Variants in ROBO2 observed in about 807,000 individuals in gnomAD.
ROBO2 encodes the protein roundabout guidance receptor 2.
ROBO2 carries 53 observed loss-of-function variants against 160.8 expected under a neutral mutation model. The observed-to-expected ratio is 0.33, with a 90% CI of 0.26 to 0.41. The LOEUF (loss-of-function observed/expected upper bound fraction) is 0.41. ROBO2 is among the 10% of genes least tolerant of loss of function. ROBO2 has a pLI of 1.00. For missense variants in ROBO2, 1,577 were observed against 1,722.4 expected (o/e 0.92, Z 1.49); for synonymous variants, 664 against 611.7 (o/e 1.09, Z -1.26).
chr3:76,185,323 C>T (rs1424678983), intron 2 of ROBO2, among the ~76,000 whole-genome samples: 1 of 150,198 alleles, frequency 6.7e-6, no homozygotes. Flanking sequence ...AATCTATTAT[C>T]ATTGCTTTAA....
chr3:75,995,486 A>G (rs2065699746), intron 2 of ROBO2, among the ~76,000 whole-genome samples: 1 of 152,202 alleles, frequency 6.6e-6, no homozygotes, highest in Non-Finnish European at 1.5e-5. Context: ...CAGAAAATGT[A>G]TGGGAACACC....
chr3:75,983,738 G>A (rs1453049083), intron 2 of ROBO2, among the ~76,000 whole-genome samples: 1 of 150,872 alleles, frequency 6.6e-6, no homozygotes, highest in African/African-American at 2.4e-5. Flanking sequence ...GTCATCACAG[G>A]GTAGATATTT....
intron 2 of ROBO2, among the ~76,000 whole-genome samples, chr3:76,822,349 TA>T (rs527897897): frequency 2.5e-4 from 38 of 152,090 alleles, no homozygotes; most frequent in African/African-American, 8.2e-4. Flanking sequence ...CAATAAAAGT[TA>T]ACCAAATTAT....
intron 2 of ROBO2, among the ~76,000 whole-genome samples, chr3:77,147,449 G>A (rs1490554101): frequency 6.6e-6 from 1 of 152,112 alleles, no homozygotes; most frequent in Non-Finnish European, 1.5e-5. Context: ...TGTCATATAA[G>A]ATTAACCATG....
At chr3:77,385,754 G>A (rs1040884999) in intron 2 of ROBO2, among the ~76,000 whole-genome samples, 30 of 152,174 alleles carry the variant, frequency 2.0e-4, no homozygotes, top group African/African-American at 7.0e-4. Flanking sequence ...AGTTCCTGCC[G>A]CACAGTAAGA....
At chr3:77,210,785 G>GT (rs1323224815) in intron 2 of ROBO2, among the ~76,000 whole-genome samples, 8 of 136,728 alleles carry the variant, frequency 5.9e-5, no homozygotes, top group African/African-American at 2.0e-4. Context: ...TCCCCTTCCT[G>GT]TGTCCATGAG....
intron 2 of ROBO2, among the ~76,000 whole-genome samples, chr3:76,272,269 T>C (rs905523584): frequency 6.6e-6 from 1 of 152,110 alleles, no homozygotes; most frequent in Non-Finnish European, 1.5e-5. Context: ...GCCATCTCTT[T>C]ACGAAATTCA....
At chr3:77,571,845 T>A (rs982518231) in intron 13 of ROBO2, among the ~76,000 whole-genome samples, 27 of 151,764 alleles carry the variant, frequency 1.8e-4, no homozygotes, top group Non-Finnish European at 2.8e-4. Context: ...CTATTTTTTT[T>A]AAAGTAAATG....
chr3:76,729,976 T>C (rs1052252545), intron 2 of ROBO2, among the ~76,000 whole-genome samples: 10 of 152,252 alleles, frequency 6.6e-5, no homozygotes, highest in African/African-American at 2.2e-4. Context: ...CAGTATAGTC[T>C]TGAGAGGTTG....
intron 2 of ROBO2, among the ~76,000 whole-genome samples, chr3:76,472,063 ATGTG>A (rs57259386): frequency 0.15 from 21,260 of 137,732 alleles, 1,643 homozygotes; most frequent in Admixed American, 0.26. Flanking sequence ...GTCTGATAAA[ATGTG>A]TGTGTGTGTG....
chr3:77,508,573 A>G (rs1040303950), intron 5 of ROBO2, among the ~76,000 whole-genome samples: 11 of 151,668 alleles, frequency 7.3e-5, no homozygotes, highest in Middle Eastern at 3.4e-3. Flanking sequence ...ATTTTTGGGA[A>G]CAATAATGTC....
At chr3:76,639,481 C>T (rs1299672617) in intron 2 of ROBO2, among the ~76,000 whole-genome samples, 1 of 151,916 alleles carries the variant, frequency 6.6e-6, no homozygotes, top group Non-Finnish European at 1.5e-5. Flanking sequence ...CACACACACA[C>T]ACACACACAT....
At chr3:76,071,574 A>G (rs2107963214) in intron 2 of ROBO2, among the ~76,000 whole-genome samples, 1 of 152,150 alleles carries the variant, frequency 6.6e-6, no homozygotes, top group East Asian at 1.9e-4. Flanking sequence ...TTCTTGTTTT[A>G]GTAGAGACTG....
chr3:76,064,810 TAAAAA>T (rs2107913867), intron 2 of ROBO2, among the ~76,000 whole-genome samples: 1 of 152,206 alleles, frequency 6.6e-6, no homozygotes, highest in South Asian at 2.1e-4. Flanking sequence ...ATTTTAAAAA[TAAAAA>T]AGAGAACTAA....
rs59580639 is a variant in ROBO2 at position 76,361,495 on chromosome 3, G to A, written c.109+423893G>A. ...CTTCAAAGATGGAAATAAAATAAGA[G>A]TAAAACAAAAGAAAGCAGAATGTAT... On this transcript the variant is annotated intron_variant, in intron 2 of 26. Coordinates refer to the ROBO2 transcript ENST00000487694. 1.6e-4 allele frequency among the ~76,000 whole-genome samples: 24 copies of A among 152,100 alleles called. No individual in the cohort carries two copies. In the East Asian group the frequency reaches 4.3e-3, roughly 27 times the overall value.
At chr3:77,296,727 T>C (rs938833397) in intron 2 of ROBO2, among the ~76,000 whole-genome samples, 8 of 152,110 alleles carry the variant, frequency 5.3e-5, no homozygotes, top group African/African-American at 1.7e-4. Context: ...GGCAAAATCT[T>C]AAGAAGGCTG....
intron 2 of ROBO2, among the ~76,000 whole-genome samples, chr3:76,041,237 C>T (rs1476863531): frequency 6.6e-6 from 1 of 152,030 alleles, no homozygotes; most frequent in Non-Finnish European, 1.5e-5. Flanking sequence ...CTAAATCTTA[C>T]TGCTGAGGAA....
rs142629396 is a variant in ROBO2 at position 76,807,905 on chromosome 3, C to T, written c.110-290109C>T. Reference sequence around the variant, plus strand: ...ATTATTCATGCACAAAAACTTAGGACGGTTAATGCCTAAAGGATTTATTAT... The same window carrying T: ...ATTATTCATGCACAAAAACTTAGGATGGTTAATGCCTAAAGGATTTATTAT... On this transcript the variant is annotated intron_variant, in intron 2 of 26. Transcript: ENST00000487694. Among the ~76,000 whole-genome samples the T allele has an allele frequency of 1.6e-3, 244 of 151,908 alleles. 2 individuals carry two copies. Among genetic ancestry groups the T allele is most frequent in the African/African-American group, 5.3e-3 (219 of 41,460 alleles).
At chr3:76,277,566 A>G (rs1707999664) in intron 2 of ROBO2, among the ~76,000 whole-genome samples, 1 of 151,982 alleles carries the variant, frequency 6.6e-6, no homozygotes, top group South Asian at 2.1e-4. Context: ...GGGCAAAATC[A>G]TTGTTAACAC....
Sources: gnomAD v4.1 joint callset for allele counts (sites outside exome capture counted in the v4.1 genomes callset) on GRCh38, gnomAD v4.1.1 for gene constraint, MANE v1.5 for transcripts, NCBI Gene and HGNC (gene_info 2026-07-23, HGNC 2026-07-21) for gene names.